SEMA4D: variants seen among roughly 807,000 people sequenced by gnomAD.
SEMA4D encodes the protein semaphorin-4D.
Under a neutral mutation model 74.8 loss-of-function variants are expected in SEMA4D, and 22 were observed. That is an observed-to-expected ratio of 0.29 (90% CI 0.21 to 0.42). SEMA4D has a LOEUF of 0.42. Ranked by LOEUF, SEMA4D falls within the 10% of genes least tolerant of loss-of-function variation. SEMA4D has a pLI of 1.00. For missense variants in SEMA4D, 937 were observed against 1,118.4 expected (o/e 0.84, Z 2.31); for synonymous variants, 445 against 463.7 (o/e 0.96, Z 0.52).
chr9:89,461,700 CTTTT>C lies in SEMA4D; in HGVS notation c.-309-5751_-309-5748del, dbSNP rs61696689. ...GGGCCAATGTGTATTTCTTTTTTCT[CTTTT>C]TTTTTTTTTTTTTTTGGAGACAGAG... On this transcript the variant is annotated intron_variant, in intron 1 of 15. Coordinates refer to ENST00000422704, the MANE Select transcript of SEMA4D (RefSeq NM_001371194.2). Among the ~76,000 whole-genome samples, 968 of 103,658 alleles carry C rather than the reference CTTTT, an allele frequency of 9.3e-3. 10 individuals are homozygous for C. Among genetic ancestry groups the C allele is most frequent in the African/African-American group, 0.031 (886 of 28,844 alleles). 68.0% of individuals were successfully genotyped at this position (103,658 alleles called of 152,430 possible).
At chr9:89,440,034 T>C (rs1450968916) in intron 2 of SEMA4D, among the ~76,000 whole-genome samples, 4 of 152,178 alleles carry the variant, frequency 2.6e-5, no homozygotes, top group Non-Finnish European at 4.4e-5. Flanking sequence ...CCAGGACACA[T>C]GGAGACCTGC....
At chr9:89,418,697 C>T (rs4590530) in intron 2 of SEMA4D, 25,798 of 151,726 alleles carry the variant, frequency 0.17, 2,895 homozygotes, top group African/African-American at 0.3. Flanking sequence ...AGACAGGGAT[C>T]GTGGGGTGCA....
intron 1 of SEMA4D, among the ~76,000 whole-genome samples, chr9:89,461,375 T>C (rs1310512753): frequency 6.6e-6 from 1 of 152,126 alleles, no homozygotes; most frequent in Non-Finnish European, 1.5e-5. Flanking sequence ...ACTGTGAAAC[T>C]GAAAAGCGCC....
chr9:89,385,843 G>T, intron 13 of SEMA4D: 1 of 929,980 alleles, frequency 1.1e-6, no homozygotes, highest in Non-Finnish European at 1.3e-6. Flanking sequence ...CAGGGAGGCA[G>T]CCCCCTAAAG....
intron 6 of SEMA4D, 71 bp downstream of exon 6, chr9:89,396,666 C>T: frequency 7.8e-7 from 1 of 1,288,682 alleles, no homozygotes; most frequent in South Asian, 1.3e-5. Context: ...TTTACGTCTG[C>T]TTTGAGCCCC....
At chr9:89,396,870 C>G (rs1287367675) in intron 5 of SEMA4D, 35 bp from the exon 6 acceptor site, 1 of 1,576,802 alleles carries the variant, frequency 6.3e-7, no homozygotes, top group South Asian at 1.1e-5. Flanking sequence ...TAGCAACCGT[C>G]CAGCCCAGAT....
chr9:89,401,254 G>C (rs925523311), intron 4 of SEMA4D, among the ~76,000 whole-genome samples: 1 of 152,024 alleles, frequency 6.6e-6, no homozygotes, highest in African/African-American at 2.4e-5. Context: ...AAAGGGTTTC[G>C]CCATGTTGCC....
chr9:89,377,467 A>C lies in SEMA4D; in HGVS notation c.*1237T>G, dbSNP rs1163353651. On this transcript the variant is annotated 3_prime_UTR_variant, in exon 16 of 16. Transcript: ENST00000422704. ...CGATGGGTATTTACAAAGCGGGGAG[A>C]TGGAGTGTGAAATTAACCAGTGTTG... 7.6e-5 allele frequency: 12 copies of C among 157,098 alleles called. No individual in the cohort carries two copies. The highest frequency in any genetic ancestry group is 7.1e-4 in the Admixed American group (11 of 15,526). The allele number at this position is 157,098 out of a possible 1,614,324, so 9.7% of individuals were successfully genotyped here.
chr9:89,437,185 G>A (rs919295273), intron 2 of SEMA4D, among the ~76,000 whole-genome samples: 3 of 152,188 alleles, frequency 2.0e-5, no homozygotes, highest in African/African-American at 7.2e-5. Flanking sequence ...GCTGCTCTGC[G>A]GGCCAGCATG....
chr9:89,410,101 G>A (rs1844201228), intron 2 of SEMA4D, among the ~76,000 whole-genome samples: 1 of 151,988 alleles, frequency 6.6e-6, no homozygotes, highest in African/African-American at 2.4e-5. Context: ...GTAAGGTGGG[G>A]GGTGCCCAGC....
At chr9:89,418,007 A>G in intron 2 of SEMA4D, 1 of 840,636 alleles carries the variant, frequency 1.2e-6, no homozygotes, top group East Asian at 1.2e-4. Flanking sequence ...TCTACACATT[A>G]TCAACTCTGC....
At chr9:89,443,865 C>A (rs1005095145) in intron 2 of SEMA4D, among the ~76,000 whole-genome samples, 2 of 152,196 alleles carry the variant, frequency 1.3e-5, no homozygotes, top group Non-Finnish European at 2.9e-5. Flanking sequence ...TTGGAGACTG[C>A]GAGGTGCCAG....
intron 8 of SEMA4D, 39 bp from the exon 9 acceptor site, chr9:89,391,454 C>G: frequency 6.2e-7 from 1 of 1,610,980 alleles, no homozygotes. Flanking sequence ...GAACACAGAG[C>G]TGGGGGACTG....
chr9:89,371,918 G>T (rs1834984043), intron 16 of SEMA4D, among the ~76,000 whole-genome samples: 1 of 103,828 alleles, frequency 9.6e-6, no homozygotes, highest in Non-Finnish European at 2.1e-5. Context: ...TGTGGTGTGT[G>T]GGGTGTGGTG....
intron 9 of SEMA4D, among the ~76,000 whole-genome samples, chr9:89,390,449 C>A (rs965517972): frequency 6.6e-6 from 1 of 152,204 alleles, no homozygotes; most frequent in Non-Finnish European, 1.5e-5. Context: ...CAGGTGGATA[C>A]TCAGGTGTGC....
intron 9 of SEMA4D, among the ~76,000 whole-genome samples, chr9:89,390,907 G>A (rs986250897): frequency 1.3e-5 from 2 of 152,230 alleles, no homozygotes; most frequent in South Asian, 2.1e-4. Context: ...TTAATCTTAA[G>A]CTGTCGGTTA....
intron 2 of SEMA4D, among the ~76,000 whole-genome samples, chr9:89,415,868 A>T (rs921269905): frequency 3.9e-5 from 6 of 152,180 alleles, no homozygotes; most frequent in Admixed American, 2.6e-4. Flanking sequence ...AAGGTCGGTC[A>T]CCATTTACAC....
chr9:89,405,351 C>T lies in SEMA4D; in HGVS notation c.106G>A (p.Glu36Lys), dbSNP rs1843120739. ...PIPRITWEHR[E>K]VHLVQFHEPD... is the part of the protein sequence containing the mutation. Reference sequence around the variant, plus strand: ...CACCCCTGCAGGTTTCGTCACTCACCTCTGTGCTCCCAGGTGATCCGGGGT... The same window carrying T: ...CACCCCTGCAGGTTTCGTCACTCACTTCTGTGCTCCCAGGTGATCCGGGGT... The change falls in exon 3 of 16, where the codon GAG becomes AAG. Residue 36 changes from glutamate (E) to lysine (K), a missense_variant and splice_region_variant. By Grantham distance (56) the Glu-to-Lys change is moderately conservative. Transcript: ENST00000422704. The T allele has an allele frequency of 1.2e-6, 2 of 1,613,588 alleles. No homozygotes were observed. The highest frequency in any genetic ancestry group is 1.1e-5 in the South Asian group (1 of 91,076).
downstream of SEMA4D, among the ~76,000 whole-genome samples, chr9:89,376,119 C>G (rs150714843): frequency 1.5e-3 from 235 of 152,358 alleles, 1 homozygote; most frequent in Non-Finnish European, 4.4e-4. Context: ...ATTATGCCCG[C>G]CAATCTTTTC....
Sources: allele counts gnomAD v4.1 joint callset (sites outside exome capture counted in the v4.1 genomes callset), GRCh38; gene constraint gnomAD v4.1.1; transcripts MANE v1.5; gene names NCBI Gene and HGNC (gene_info 2026-07-23, HGNC 2026-07-21).